SMARCA2: variants seen among roughly 807,000 people sequenced by gnomAD.
SMARCA2 encodes SWI/SNF related BAF chromatin remodeling complex subunit ATPase 2, also known as SWI/SNF-related matrix-associated actin-dependent regulator of chromatin subfamily A member 2.
A neutral mutation model predicts 199.8 loss-of-function variants in SMARCA2; 61 were observed. That is an observed-to-expected ratio of 0.31 (90% confidence interval 0.25 to 0.38). The LOEUF (loss-of-function observed/expected upper bound fraction) is 0.38. SMARCA2 is among the 10% of genes least tolerant of loss of function. The probability of loss-of-function intolerance (pLI) is 1.00; values close to 1 mark genes in which losing one functional copy is unlikely to be tolerated. For synonymous variants in SMARCA2, 935 were observed against 732.0 expected, an observed-to-expected ratio of 1.28 and a Z score of -4.48; for missense variants, 1,344 against 2,012.2, an observed-to-expected ratio of 0.67 and a Z score of 6.35.
Position 2,076,321 on chromosome 9 carries a change from G to GT in SMARCA2, c.2028_2029insT (p.Ile677TyrfsTer3). 6.3e-7 allele frequency: 1 copy of GT among 1,581,526 alleles called. No individual in the cohort carries two copies. The highest frequency in any genetic ancestry group is 8.7e-7 in the Non-Finnish European group (1 of 1,150,316). ...AAGTTTCTGAGAAGGATGCTAAGCA[G>GT]ATCATTGAGTATGTACTGCATTTTT... On this transcript the variant is annotated frameshift_variant, in exon 13 of 34. Coordinates refer to ENST00000349721, the MANE Select transcript of SMARCA2 (RefSeq NM_003070.5). LOFTEE classifies it high-confidence loss of function.
intron 29 of SMARCA2, among the ~76,000 whole-genome samples, chr9:2,178,876 C>G (rs544478949): frequency 1.1e-4 from 17 of 152,158 alleles, no homozygotes; most frequent in Admixed American, 6.5e-5. Flanking sequence ...ATCCCTTGCT[C>G]TGGGAGGGAG....
intron 9 of SMARCA2, 77 bp from the exon 10 acceptor site, chr9:2,070,341 C>T: frequency 7.1e-6 from 8 of 1,124,990 alleles, no homozygotes; most frequent in Non-Finnish European, 1.1e-5. Flanking sequence ...AATCCTATTA[C>T]ATACCGGAGA....
chr9:2,169,902 A>G lies in SMARCA2; in HGVS notation c.4200-517A>G, dbSNP rs952046860. On this transcript the variant is annotated intron_variant, in intron 28 of 33. Transcript: ENST00000349721. This position sits in a 1 kb window ranked among gnomAD's most constrained non-coding sequence, Gnocchi z 6.5. ...GAAAAGGAATAGAGCTCTTGGAAGC[A>G]GAGCTGACTAGTTAGATGGTGTTCA... Among the ~76,000 whole-genome samples the G allele has an allele frequency of 1.3e-5, 2 of 152,252 alleles. No individual in the cohort carries two copies. Among genetic ancestry groups the G allele is most frequent in the Non-Finnish European group, 2.9e-5 (2 of 68,040 alleles).
chr9:2,113,391 T>C (rs913258195), intron 24 of SMARCA2, among the ~76,000 whole-genome samples: 3 of 152,214 alleles, frequency 2.0e-5, no homozygotes, highest in African/African-American at 7.2e-5. Context: ...CGACCACATT[T>C]AGCTTGCAGA....
chr9:2,141,521 G>A (rs943737210), intron 27 of SMARCA2, among the ~76,000 whole-genome samples: 4 of 152,108 alleles, frequency 2.6e-5, no homozygotes, highest in African/African-American at 9.7e-5. Flanking sequence ...ATAGCCTGTA[G>A]CATTGAACGT....
At chr9:2,191,150 G>T (rs1178024584) in intron 32 of SMARCA2, 116 bp from the exon 33 acceptor site, 1 of 1,013,432 alleles carries the variant, frequency 9.9e-7, no homozygotes, top group Non-Finnish European at 1.5e-6. Context: ...AACCGGGAAT[G>T]TTCTGGGCAC....
At chr9:2,105,513 C>T (rs531000833) in intron 23 of SMARCA2, among the ~76,000 whole-genome samples, 22 of 152,282 alleles carry the variant, frequency 1.4e-4, no homozygotes, top group African/African-American at 5.3e-4. Flanking sequence ...CTCGGCCTCC[C>T]ACAGTGTTGG....
intron 27 of SMARCA2, among the ~76,000 whole-genome samples, chr9:2,147,784 G>A (rs1427979174): frequency 2.0e-5 from 3 of 151,362 alleles, no homozygotes; most frequent in East Asian, 3.9e-4. Context: ...GGAGGCAGAG[G>A]TTGCAGTGAG....
intron 25 of SMARCA2, among the ~76,000 whole-genome samples, chr9:2,117,725 C>T (rs1431792878): frequency 6.6e-6 from 1 of 152,196 alleles, no homozygotes; most frequent in Non-Finnish European, 1.5e-5. Flanking sequence ...GGCCCGAGGG[C>T]TGCCAGGTGG....
chr9:2,042,168 A>G (rs1204817392), intron 4 of SMARCA2: 1 of 152,210 alleles, frequency 6.6e-6, no homozygotes, highest in Admixed American at 6.5e-5. Flanking sequence ...CTGAGACACA[A>G]TATCAACAAA....
rs1355265665 is a variant in SMARCA2, at chr9:2,115,854, C to T, written c.3489C>T (p.Ile1163=). ...AGGCCCAAGACCGAGCTCACCGCAT[C>T]GGGCAGCAGAACGAGGTCCGGGTAC... ...DLQAQDRAHR[I]GQQNEVRVLR... The change falls in exon 25 of 34, where the codon ATC becomes ATT. Residue 1163 remains isoleucine, a synonymous_variant. Transcript: ENST00000349721. This position sits in a 1 kb window ranked among gnomAD's most constrained non-coding sequence, Gnocchi z 6.0. 8.7e-6 allele frequency: 14 copies of T among 1,613,838 alleles called. No individual in the cohort carries two copies. The highest frequency in any genetic ancestry group is 4.5e-5 in the East Asian group (2 of 44,854).
Position 2,054,623 on chromosome 9 carries a change from T to C in SMARCA2, c.1073T>C (p.Ile358Thr). ...YRLQARIAHR[I>T]QELENLPGSL... ...CTTCAGGCCCGCATAGCTCATAGGA[T>C]ACAAGAACTGGAAAATCTGCCTGGC... The change falls in exon 6 of 34, where the codon ATA (isoleucine) becomes ACA (threonine). Residue 358 changes from isoleucine (I) to threonine (T), a missense_variant. Around this residue, in one of 18 missense-constraint regions of SMARCA2, gnomAD observed 155 missense variants for 260.0 expected, o/e 0.60. Coordinates refer to ENST00000349721, the MANE Select transcript of SMARCA2 (RefSeq NM_003070.5). 3 of 1,614,118 alleles carry C rather than the reference T, an allele frequency of 1.9e-6. No homozygotes were observed. Among genetic ancestry groups the C allele is most frequent in the Non-Finnish European group, 1.7e-6 (2 of 1,179,998 alleles).
intron 27 of SMARCA2, among the ~76,000 whole-genome samples, chr9:2,155,228 A>C (rs756073091): frequency 2.6e-5 from 4 of 152,200 alleles, no homozygotes; most frequent in Non-Finnish European, 5.9e-5. Context: ...AAAAGGTATC[A>C]GTCACATGGG....
At chr9:2,044,625 T>C (rs1194575653) in intron 4 of SMARCA2, 2 of 152,164 alleles carry the variant, frequency 1.3e-5, no homozygotes, top group African/African-American at 4.8e-5. Flanking sequence ...ATTGTTACTC[T>C]CCCCATTCTA....
chr9:2,030,212 A>T (rs1306859945), intron 2 of SMARCA2, among the ~76,000 whole-genome samples: 3 of 152,134 alleles, frequency 2.0e-5, no homozygotes, highest in Admixed American at 6.5e-5. Context: ...GTAAAAAGAG[A>T]CTTATTATGA....
intron 5 of SMARCA2, chr9:2,047,710 C>T: frequency 3.0e-6 from 1 of 334,666 alleles, no homozygotes; most frequent in Non-Finnish European, 5.2e-6. Context: ...AGAGAGTGAT[C>T]ATCTCACACT....
intron 27 of SMARCA2, among the ~76,000 whole-genome samples, chr9:2,139,913 T>G (rs1338698409): frequency 6.6e-6 from 1 of 152,228 alleles, no homozygotes; most frequent in African/African-American, 2.4e-5. Context: ...TGGGAAGGGC[T>G]ATTATCATCC....
rs965746773 is a variant in SMARCA2 at position 2,070,444 on chromosome 9, G to A, written c.1719G>A (p.Gly573=). Residue 573 remains glycine (G), a synonymous_variant, in exon 10 of 34, where the codon GGG becomes GGA. Coordinates refer to ENST00000349721, the MANE Select transcript of SMARCA2 (RefSeq NM_003070.5). ...AGGCTGAGGAGAATGCAGAGGGTGG[G>A]GAGTCTGCCCTGGGACCGGATGGAG... ...KKKAEENAEG[G]ESALGPDGEP... 16 of 1,613,768 alleles carry A rather than the reference G, an allele frequency of 9.9e-6. No individual in the cohort carries two copies. Among genetic ancestry groups the A allele is most frequent in the Non-Finnish European group, 1.4e-5 (16 of 1,179,864 alleles).
chr9:2,158,988 TTG>T (rs1433918277), intron 27 of SMARCA2: 2 of 1,612,060 alleles, frequency 1.2e-6, no homozygotes, highest in Admixed American at 1.7e-5. Flanking sequence ...GGTCAGTACT[TTG>T]TGTGTTTCCT....
Sources: allele counts gnomAD v4.1 joint callset (sites outside exome capture counted in the v4.1 genomes callset), GRCh38; gene constraint gnomAD v4.1.1; regional missense constraint gnomAD v4.1.1; non-coding constraint Gnocchi (gnomAD v3.1); transcripts MANE v1.5; gene names NCBI Gene and HGNC (gene_info 2026-07-23, HGNC 2026-07-21).